RAB27B: variants seen among roughly 807,000 people sequenced by gnomAD.
RAB27B encodes the protein ras-related protein Rab-27B.
RAB27B carries 15 observed loss-of-function variants against 24.6 expected under a neutral mutation model. The ratio of observed to expected loss-of-function variants is 0.61; its 90% confidence interval spans 0.41 to 0.94. RAB27B has a LOEUF of 0.94. RAB27B is among the 40% of genes least tolerant of loss of function. The probability of loss-of-function intolerance (pLI) is 0.00; values close to 1 mark genes in which losing one functional copy is unlikely to be tolerated. For missense variants in RAB27B, 261 were observed against 266.8 expected, an observed-to-expected ratio of 0.98 and a Z score of 0.15; for synonymous variants, 105 against 92.5, an observed-to-expected ratio of 1.14 and a Z score of -0.78.
chr18:54,761,642 A>G (rs957651938), intron 2 of RAB27B, among the ~76,000 whole-genome samples: 1 of 152,188 alleles, frequency 6.6e-6, no homozygotes, highest in South Asian at 2.1e-4. Context: ...CCAAAAACCA[A>G]TGCTTCTCTT....
At chr18:54,866,541 G>A (rs962935918) in intron 1 of RAB27B, among the ~76,000 whole-genome samples, 30 of 152,282 alleles carry the variant, frequency 2.0e-4, no homozygotes, top group Admixed American at 1.9e-3. Flanking sequence ...CAGGTGATCC[G>A]CCCGCTTCGG....
At chr18:54,833,210 T>TTTCTTTTC (rs1910756999) in intron 1 of RAB27B, among the ~76,000 whole-genome samples, 1 of 145,802 alleles carries the variant, frequency 6.9e-6, no homozygotes, top group South Asian at 2.2e-4. Context: ...CTCCCTCTTC[T>TTTCTTTTC]TTCTTTTCTT....
intron 4 of RAB27B, chr18:54,885,872 G>A (rs904767201): frequency 6.4e-6 from 1 of 155,792 alleles, no homozygotes; most frequent in African/African-American, 2.4e-5. Flanking sequence ...CATGGGGAAG[G>A]TGACGGGGGA....
At chr18:54,802,460 A>C (rs561436552) in intron 2 of RAB27B, among the ~76,000 whole-genome samples, 2 of 152,144 alleles carry the variant, frequency 1.3e-5, no homozygotes, top group Middle Eastern at 6.8e-3. Flanking sequence ...TGTTGCAGTA[A>C]TCTCTTAATT....
chr18:54,862,656 G>A (rs1333094592), intron 1 of RAB27B, among the ~76,000 whole-genome samples: 1 of 152,198 alleles, frequency 6.6e-6, no homozygotes, highest in Non-Finnish European at 1.5e-5. Context: ...AGCTTATCCA[G>A]AGAGTCCCTC....
At chr18:54,820,086 G>A (rs1016032418) in intron 2 of RAB27B, among the ~76,000 whole-genome samples, 1 of 152,096 alleles carries the variant, frequency 6.6e-6, no homozygotes, top group Non-Finnish European at 1.5e-5. Context: ...ACATACGTGT[G>A]CAAGTGTCTT....
chr18:54,829,890 G>A (rs534784600), intron 1 of RAB27B, among the ~76,000 whole-genome samples: 1 of 152,284 alleles, frequency 6.6e-6, no homozygotes, highest in South Asian at 2.1e-4. Flanking sequence ...CATCCTTGAA[G>A]GCAAGAGGTG....
At chr18:54,728,671 T>C (rs1319898249) in intron 2 of RAB27B, among the ~76,000 whole-genome samples, 1 of 151,722 alleles carries the variant, frequency 6.6e-6, no homozygotes, top group African/African-American at 2.4e-5. Context: ...GGTCAGGGGT[T>C]TGAGACCAGC....
At chr18:54,724,918 T>C (rs1001380343) in intron 2 of RAB27B, among the ~76,000 whole-genome samples, 4 of 151,628 alleles carry the variant, frequency 2.6e-5, no homozygotes, top group Non-Finnish European at 5.9e-5. Context: ...TTCTTACTTA[T>C]GATCTGTTGT....
chr18:54,750,939 C>T (rs962184927), intron 2 of RAB27B, among the ~76,000 whole-genome samples: 10 of 152,102 alleles, frequency 6.6e-5, no homozygotes, highest in Admixed American at 4.6e-4. Flanking sequence ...AGAGGAGCAA[C>T]AAACAAAATG....
rs572735718 is a variant in RAB27B at position 54,846,750 on chromosome 18, A to C, written c.-20+18050A>C. 5.3e-5 allele frequency among the ~76,000 whole-genome samples: 8 copies of C among 152,362 alleles called. No homozygotes were observed. In the South Asian group the frequency reaches 1.2e-3, roughly 24 times the overall value. On this transcript the variant is annotated intron_variant, in intron 1 of 5. Transcript: ENST00000262094. ...AGACACATTTTTGTTTTCTATCAGT[A>C]AATTCTAAGAGTAACTTTATGCCAC...
At chr18:54,844,408 C>CTTTTTTTTTTT (rs148747981) in intron 1 of RAB27B, among the ~76,000 whole-genome samples, 10 of 107,874 alleles carry the variant, frequency 9.3e-5, no homozygotes, top group South Asian at 3.2e-4. Context: ...CTTTTCTTTT[C>CTTTTTTTTTTT]TTTTTTTTTT....
chr18:54,773,366 G>T (rs1217467091), intron 2 of RAB27B, among the ~76,000 whole-genome samples: 2 of 152,194 alleles, frequency 1.3e-5, no homozygotes, highest in African/African-American at 2.4e-5. Context: ...CAGAGTGGCT[G>T]CACCAAGGGT....
At chr18:54,748,236 A>T (rs2145026335) in intron 2 of RAB27B, among the ~76,000 whole-genome samples, 1 of 152,278 alleles carries the variant, frequency 6.6e-6, no homozygotes, top group East Asian at 1.9e-4. Flanking sequence ...TCCTGTGAGG[A>T]TGGTGTGATA....
intron 2 of RAB27B, among the ~76,000 whole-genome samples, chr18:54,732,507 T>C (rs868348771): frequency 1.3e-4 from 20 of 152,310 alleles, no homozygotes; most frequent in East Asian, 7.7e-4. Flanking sequence ...ACAGAAGCCA[T>C]GGCTTATGAT....
At chr18:54,855,746 C>T (rs1911760286) in intron 1 of RAB27B, among the ~76,000 whole-genome samples, 1 of 152,150 alleles carries the variant, frequency 6.6e-6, no homozygotes, top group African/African-American at 2.4e-5. Flanking sequence ...TCATCAGGGT[C>T]CCTTAATTCT....
intron 2 of RAB27B, among the ~76,000 whole-genome samples, chr18:54,796,603 A>T (rs2145121572): frequency 6.6e-6 from 1 of 152,282 alleles, no homozygotes; most frequent in Middle Eastern, 3.4e-3. Flanking sequence ...TCATTCTGCC[A>T]TCACTGGTTT....
intron 2 of RAB27B, among the ~76,000 whole-genome samples, chr18:54,806,539 TTA>T (rs1172761617): frequency 6.8e-6 from 1 of 147,812 alleles, no homozygotes; most frequent in African/African-American, 2.5e-5. Flanking sequence ...ATATATGTAA[TTA>T]TATATATAAG....
chr18:54,839,214 T>C (rs992404147), intron 1 of RAB27B, among the ~76,000 whole-genome samples: 4 of 152,170 alleles, frequency 2.6e-5, no homozygotes, highest in Admixed American at 1.3e-4. Context: ...AGCAAAAGCA[T>C]ACATTCATTG....
Sources: gnomAD v4.1 joint callset for allele counts (sites outside exome capture counted in the v4.1 genomes callset) on GRCh38, gnomAD v4.1.1 for gene constraint, MANE v1.5 for transcripts, NCBI Gene and HGNC (gene_info 2026-07-23, HGNC 2026-07-21) for gene names.